The following FAM184A variants were observed in gnomAD, a reference collection of about 807,000 sequenced individuals.
FAM184A encodes family with sequence similarity 184 member A.
A neutral mutation model predicts 143.8 loss-of-function variants in FAM184A; 99 were observed. The observed-to-expected ratio is 0.69, with a 90% CI of 0.58 to 0.81. The LOEUF (loss-of-function observed/expected upper bound fraction) is 0.81. FAM184A is among the 40% of genes least tolerant of loss of function. The pLI is 0.00. For missense variants in FAM184A, 1,217 were observed against 1,310.5 expected (o/e 0.93, Z 1.10); for synonymous variants, 427 against 446.4 (o/e 0.96, Z 0.55).
intron 1 of FAM184A, among the ~76,000 whole-genome samples, chr6:119,061,579 C>T (rs577530632): frequency 1.8e-5 from 2 of 114,138 alleles, no homozygotes; most frequent in African/African-American, 7.0e-5. Context: ...GCTCTCACTA[C>T]GTTGCCCAGA....
At chr6:119,047,478 C>T (rs1461646765) in intron 1 of FAM184A, among the ~76,000 whole-genome samples, 1 of 152,144 alleles carries the variant, frequency 6.6e-6, no homozygotes, top group Non-Finnish European at 1.5e-5. Context: ...TGGAAGTAAC[C>T]TACGTGTCCA....
chr6:119,090,515 C>T (rs1265827796), intron 1 of FAM184A, among the ~76,000 whole-genome samples: 1 of 152,192 alleles, frequency 6.6e-6, no homozygotes, highest in Non-Finnish European at 1.5e-5. Flanking sequence ...AAAGAAGTGG[C>T]ACAAGACATC....
At chr6:119,039,719 T>C (rs967121858) in intron 1 of FAM184A, among the ~76,000 whole-genome samples, 1 of 152,198 alleles carries the variant, frequency 6.6e-6, no homozygotes, top group Non-Finnish European at 1.5e-5. Context: ...TGTCAGGTGA[T>C]GGTTTGGCAA....
At chr6:119,042,719 T>G (rs981580665) in intron 1 of FAM184A, among the ~76,000 whole-genome samples, 1 of 152,194 alleles carries the variant, frequency 6.6e-6, no homozygotes, top group African/African-American at 2.4e-5. Flanking sequence ...AATCCTAATG[T>G]AAACCATGGA....
At chr6:118,986,267 T>C (rs1290005904) in intron 9 of FAM184A, among the ~76,000 whole-genome samples, 3 of 151,936 alleles carry the variant, frequency 2.0e-5, no homozygotes, top group African/African-American at 7.3e-5. Flanking sequence ...CACTCCAGCC[T>C]GGGCGACAGA....
At chr6:119,007,611 T>G (rs1784961565) in intron 6 of FAM184A, among the ~76,000 whole-genome samples, 2 of 152,104 alleles carry the variant, frequency 1.3e-5, no homozygotes, top group East Asian at 3.8e-4. Flanking sequence ...TTTTTAAAAG[T>G]TTGGTAAAAT....
chr6:119,006,058 T>C (rs749680888), intron 7 of FAM184A: 8 of 764,292 alleles, frequency 1.0e-5, no homozygotes, highest in Non-Finnish European at 1.9e-5. Context: ...TAAGATGATG[T>C]CAAACTGGAG....
At chr6:119,011,136 G>C (rs763250221) in intron 6 of FAM184A, 173 bp downstream of exon 6, 1 of 540,870 alleles carries the variant, frequency 1.8e-6, no homozygotes, top group African/African-American at 2.0e-5. Context: ...AATTTTACCT[G>C]GTGGAACATA....
At chr6:119,058,746 G>A (rs889113528) in intron 1 of FAM184A, among the ~76,000 whole-genome samples, 4 of 152,032 alleles carry the variant, frequency 2.6e-5, no homozygotes, top group East Asian at 1.9e-4. Context: ...CCCAGCTTTC[G>A]AGTTATCCTG....
intron 9 of FAM184A, among the ~76,000 whole-genome samples, chr6:119,002,434 T>C (rs1582488934): frequency 1.3e-5 from 2 of 152,318 alleles, no homozygotes; most frequent in East Asian, 3.8e-4. Flanking sequence ...GTTTATGTTA[T>C]ACTCTAAGGG....
At chr6:119,075,451 G>T (rs931198803) in intron 1 of FAM184A, among the ~76,000 whole-genome samples, 2 of 152,080 alleles carry the variant, frequency 1.3e-5, no homozygotes, top group Non-Finnish European at 2.9e-5. Context: ...TTAAAGATGA[G>T]GAAACTGAGG....
chr6:119,058,173 CTCTT>C (rs1219136759), intron 1 of FAM184A, among the ~76,000 whole-genome samples: 26 of 134,332 alleles, frequency 1.9e-4, no homozygotes, highest in Admixed American at 2.2e-4. Flanking sequence ...TTCTCCTTCT[CTCTT>C]TTTTTTTTTT....
At chr6:118,968,106 A>C (rs1783555077) in intron 14 of FAM184A, among the ~76,000 whole-genome samples, 1 of 152,184 alleles carries the variant, frequency 6.6e-6, no homozygotes, top group African/African-American at 2.4e-5. Context: ...TGAGGAAGTG[A>C]GGAAGTGATT....
chr6:119,008,605 T>C (rs1784998624), intron 6 of FAM184A, among the ~76,000 whole-genome samples: 1 of 152,208 alleles, frequency 6.6e-6, no homozygotes, highest in African/African-American at 2.4e-5. Flanking sequence ...TTTAGGCTAG[T>C]TTGAGGTAGG....
chr6:119,137,535 G>A (rs1789704069), intron 1 of FAM184A, among the ~76,000 whole-genome samples: 1 of 152,144 alleles, frequency 6.6e-6, no homozygotes, highest in South Asian at 2.1e-4. Flanking sequence ...TTGGGGGTTA[G>A]GGATTCAACA....
chr6:119,120,894 C>A (rs1789195931), intron 1 of FAM184A, among the ~76,000 whole-genome samples: 1 of 142,832 alleles, frequency 7.0e-6, no homozygotes. Context: ...GTTGCCCAGG[C>A]TGGAGTGCAG....
intron 9 of FAM184A, among the ~76,000 whole-genome samples, chr6:118,983,235 T>C (rs1784071150): frequency 1.3e-5 from 2 of 152,212 alleles, no homozygotes; most frequent in African/African-American, 4.8e-5. Flanking sequence ...AAATAGCTTT[T>C]ATTCAGCATG....
chr6:119,125,629 T>G (rs1195448544), intron 1 of FAM184A, among the ~76,000 whole-genome samples: 1 of 152,210 alleles, frequency 6.6e-6, no homozygotes, highest in Non-Finnish European at 1.5e-5. Context: ...TTGCATACCA[T>G]TGTTGGATAG....
At chr6:119,062,864 C>T (rs562933144) in intron 1 of FAM184A, among the ~76,000 whole-genome samples, 1 of 152,260 alleles carries the variant, frequency 6.6e-6, no homozygotes, top group South Asian at 2.1e-4. Context: ...AGATTGCAAG[C>T]TCCTGAAGCT....
Sources: gnomAD v4.1 joint callset for allele counts (sites outside exome capture counted in the v4.1 genomes callset) on GRCh38, gnomAD v4.1.1 for gene constraint, MANE v1.5 for transcripts, NCBI Gene and HGNC (gene_info 2026-07-23, HGNC 2026-07-21) for gene names.